PTPRD: variants seen among roughly 807,000 people sequenced by gnomAD.
PTPRD encodes the protein protein tyrosine phosphatase receptor type D, also known as receptor-type tyrosine-protein phosphatase delta.
Under a neutral mutation model 214.5 loss-of-function variants are expected in PTPRD, and 34 were observed. The observed-to-expected ratio is 0.16, with a 90% CI of 0.12 to 0.21. PTPRD has a LOEUF of 0.21. Among genes scored for constraint, PTPRD ranks in the 10% least tolerant of loss-of-function variants. PTPRD has a pLI of 1.00. For missense variants in PTPRD, 2,545 were observed against 2,398.7 expected (o/e 1.06, Z -1.27); for synonymous variants, 1,128 against 845.7 (o/e 1.33, Z -5.79).
At chr9:10,514,293 T>A (rs2049264528) in intron 2 of PTPRD, among the ~76,000 whole-genome samples, 1 of 151,742 alleles carries the variant, frequency 6.6e-6, no homozygotes, top group South Asian at 2.1e-4. Flanking sequence ...TTTTATAAAC[T>A]CTTCTTTGGG....
intron 7 of PTPRD, among the ~76,000 whole-genome samples, chr9:9,723,143 T>C (rs749554973): frequency 1.1e-4 from 17 of 152,102 alleles, no homozygotes; most frequent in Admixed American, 5.2e-4. Flanking sequence ...CTAAGAATTT[T>C]ATAGTTTTGC....
chr9:8,417,407 G>C (rs1389504249), intron 35 of PTPRD, among the ~76,000 whole-genome samples: 1 of 152,030 alleles, frequency 6.6e-6, no homozygotes, highest in Non-Finnish European at 1.5e-5. Context: ...TGCAGCAAAG[G>C]GTAGAGCTGT....
intron 5 of PTPRD, among the ~76,000 whole-genome samples, chr9:9,910,514 G>A (rs1043633635): frequency 6.6e-6 from 1 of 151,806 alleles, no homozygotes; most frequent in Admixed American, 6.6e-5. Context: ...ACAGTGTAGG[G>A]GTCTGAAAAT....
intron 9 of PTPRD, among the ~76,000 whole-genome samples, chr9:9,241,020 T>C (rs2099970123): frequency 6.6e-6 from 1 of 152,156 alleles, no homozygotes; most frequent in Non-Finnish European, 1.5e-5. Flanking sequence ...GATTATACCA[T>C]TGGACTGGGT....
intron 3 of PTPRD, among the ~76,000 whole-genome samples, chr9:10,321,277 C>T (rs943685676): frequency 3.3e-5 from 5 of 151,950 alleles, no homozygotes. Flanking sequence ...GCAGAGTTAG[C>T]ACTGCAGTCA....
intron 4 of PTPRD, among the ~76,000 whole-genome samples, chr9:10,020,190 G>T (rs951115431): frequency 6.6e-6 from 1 of 152,078 alleles, no homozygotes; most frequent in Non-Finnish European, 1.5e-5. Context: ...ATTTTTAAAA[G>T]TTACTATTTT....
intron 9 of PTPRD, among the ~76,000 whole-genome samples, chr9:9,354,475 T>C (rs908701893): frequency 6.6e-6 from 1 of 151,756 alleles, no homozygotes; most frequent in African/African-American, 2.4e-5. Flanking sequence ...TATGAAAATA[T>C]TGGCTTTACA....
At chr9:9,283,394 C>G (rs558753986) in intron 9 of PTPRD, among the ~76,000 whole-genome samples, 1 of 151,526 alleles carries the variant, frequency 6.6e-6, no homozygotes, top group African/African-American at 2.4e-5. Context: ...GAGGAAATGT[C>G]CCATCTACAA....
At chr9:9,458,315 G>A (rs981210249) in intron 8 of PTPRD, among the ~76,000 whole-genome samples, 4 of 151,900 alleles carry the variant, frequency 2.6e-5, no homozygotes, top group Non-Finnish European at 2.9e-5. Flanking sequence ...AAATGTTTCT[G>A]TATCTGTCAA....
intron 14 of PTPRD, among the ~76,000 whole-genome samples, chr9:8,612,908 CT>C (rs1186040457): frequency 6.6e-6 from 1 of 152,046 alleles, no homozygotes; most frequent in East Asian, 1.9e-4. Flanking sequence ...ATGATGTGTT[CT>C]GTGATTGGGT....
chr9:8,994,046 T>C (rs529521878), intron 11 of PTPRD, among the ~76,000 whole-genome samples: 1 of 152,094 alleles, frequency 6.6e-6, no homozygotes, highest in South Asian at 2.1e-4. Context: ...TTACCCACAA[T>C]GTAGGATTTA....
At chr9:9,056,362 TTTTGAGATAGTTA>T (rs2099696253) in intron 10 of PTPRD, among the ~76,000 whole-genome samples, 1 of 152,146 alleles carries the variant, frequency 6.6e-6, no homozygotes, top group Non-Finnish European at 1.5e-5. Context: ...ATAAAAAACA[TTTTGAGATAGTTA>T]TGCTTGACCT....
chr9:10,517,772 C>G (rs149244163), intron 2 of PTPRD, among the ~76,000 whole-genome samples: 3 of 152,138 alleles, frequency 2.0e-5, no homozygotes, highest in Non-Finnish European at 1.5e-5. Context: ...GAAATGTTAA[C>G]ACCAGTAATC....
intron 3 of PTPRD, among the ~76,000 whole-genome samples, chr9:10,048,143 C>G (rs989215194): frequency 1.3e-5 from 2 of 152,118 alleles, no homozygotes; most frequent in Non-Finnish European, 2.9e-5. Flanking sequence ...ATTTTTATTG[C>G]CTGGTTTTCT....
intron 11 of PTPRD, among the ~76,000 whole-genome samples, chr9:8,884,467 T>C (rs1450509147): frequency 6.6e-6 from 1 of 152,174 alleles, no homozygotes; most frequent in Non-Finnish European, 1.5e-5. Flanking sequence ...TTCAAGAGAA[T>C]GTTCTTTGAG....
At chr9:10,464,193 T>G (rs1588753960) in intron 2 of PTPRD, among the ~76,000 whole-genome samples, 3 of 151,434 alleles carry the variant, frequency 2.0e-5, no homozygotes, top group Admixed American at 2.0e-4. Context: ...AGGTCAGGAG[T>G]TTCAGACCAG....
At chr9:9,212,603 G>A (rs1214590866) in intron 9 of PTPRD, among the ~76,000 whole-genome samples, 1 of 152,078 alleles carries the variant, frequency 6.6e-6, no homozygotes, top group African/African-American at 2.4e-5. Context: ...TAGAAAGCTG[G>A]GAGAAAAACA....
At chr9:9,362,132 A>T (rs2056390484) in intron 9 of PTPRD, among the ~76,000 whole-genome samples, 1 of 151,124 alleles carries the variant, frequency 6.6e-6, no homozygotes, top group South Asian at 2.1e-4. Flanking sequence ...TTCCTCTTTT[A>T]TATCACAAGT....
At chr9:8,786,661 C>T (rs1199683833) in intron 11 of PTPRD, among the ~76,000 whole-genome samples, 2 of 151,330 alleles carry the variant, frequency 1.3e-5, no homozygotes, top group African/African-American at 2.4e-5. Flanking sequence ...GTGATCCACC[C>T]GCCTCGGCAT....
Sources: gnomAD v4.1 joint callset for allele counts (sites outside exome capture counted in the v4.1 genomes callset) on GRCh38, gnomAD v4.1.1 for gene constraint, MANE v1.5 for transcripts, NCBI Gene and HGNC (gene_info 2026-07-23, HGNC 2026-07-21) for gene names.